Variants in SLC35H1 observed in about 807,000 individuals in gnomAD.
The protein encoded by SLC35H1 is ovarian cancer-overexpressed gene 1 protein.
the SLC35H1 span, chr20:46,355,203 C>G: frequency 1.2e-6 from 2 of 1,613,946 alleles, no homozygotes; most frequent in Middle Eastern, 1.6e-4. This position sits in a 1 kb window ranked among gnomAD's most constrained non-coding sequence, Gnocchi z 4.8. Context: ...TGAAGAGACC[C>G]CCGGCGATGA....
At chr20:46,354,951 T>C in the SLC35H1 span, 2 of 1,613,886 alleles carry the variant, frequency 1.2e-6, no homozygotes, top group Non-Finnish European at 8.5e-7. Context: ...ATGGTGTCGA[T>C]GGGATTCTGG....
At chr20:46,350,097 C>T in the SLC35H1 span, 5 of 249,916 alleles carry the variant, frequency 2.0e-5, no homozygotes, top group African/African-American at 2.2e-5. Flanking sequence ...AAATGAGTCT[C>T]GGCTGTCAGA....
the SLC35H1 span, chr20:46,355,807 C>A: frequency 6.2e-7 from 1 of 1,613,906 alleles, no homozygotes; most frequent in Admixed American, 1.7e-5. This position sits in a 1 kb window ranked among gnomAD's most constrained non-coding sequence, Gnocchi z 4.8. Context: ...CTCACCAGCT[C>A]CTCCAGCTTG....
chr20:46,352,344 T>C, the SLC35H1 span: 1 of 862,706 alleles, frequency 1.2e-6, no homozygotes, highest in Non-Finnish European at 1.8e-6. Context: ...ACCTGCTAAC[T>C]GTCTGCAGCC....
the SLC35H1 span, chr20:46,356,668 T>A: frequency 6.2e-6 from 10 of 1,607,592 alleles, no homozygotes; most frequent in African/African-American, 9.4e-5. Flanking sequence ...ACAGGACAGC[T>A]TGGGAGGTCC....
At chr20:46,354,385 T>TGATTACTCCAGCAA in the SLC35H1 span, among the ~76,000 whole-genome samples, 109 of 152,314 alleles carry the variant, frequency 7.2e-4, 2 homozygotes, top group African/African-American at 2.5e-3. Context: ...CTGACTTGCC[T>TGATTACTCCAGCAA]GATTACTCCA....
At chr20:46,354,325 A>G in the SLC35H1 span, among the ~76,000 whole-genome samples, 1 of 152,102 alleles carries the variant, frequency 6.6e-6, no homozygotes, top group Admixed American at 6.5e-5. Flanking sequence ...TGCTCCCTGC[A>G]GCCTGCCAAA....
At chr20:46,352,152 G>C in the SLC35H1 span, 4 of 1,614,238 alleles carry the variant, frequency 2.5e-6, no homozygotes, top group Non-Finnish European at 3.4e-6. Flanking sequence ...CCAAGGAAGA[G>C]GCTCCCAAGT....
chr20:46,357,758 G>C, the SLC35H1 span: 1 of 1,614,088 alleles, frequency 6.2e-7, no homozygotes, highest in Non-Finnish European at 8.5e-7. Context: ...GTCATGAAGA[G>C]GGGGAAATGG....
At chr20:46,346,590 G>A in the SLC35H1 span, 1 of 152,138 alleles carries the variant, frequency 6.6e-6, no homozygotes, top group Non-Finnish European at 1.5e-5. Context: ...AGACCGGCCT[G>A]GCCAACATGT....
chr20:46,358,033 G>A, the SLC35H1 span, among the ~76,000 whole-genome samples: 1 of 152,210 alleles, frequency 6.6e-6, no homozygotes, highest in African/African-American at 2.4e-5. Flanking sequence ...TGAGCTACCT[G>A]CCCAGCCTTC....
At chr20:46,350,843 G>A in the SLC35H1 span, 2 of 1,613,930 alleles carry the variant, frequency 1.2e-6, no homozygotes, top group African/African-American at 2.7e-5. Flanking sequence ...TCAGGAGGCT[G>A]ATCTGATCGC....
the SLC35H1 span, among the ~76,000 whole-genome samples, chr20:46,351,306 C>CA: frequency 6.6e-6 from 1 of 152,240 alleles, no homozygotes; most frequent in Non-Finnish European, 1.5e-5. Flanking sequence ...TCTCTATAAA[C>CA]AGAGACTCCA....
At chr20:46,358,988 C>A in the SLC35H1 span, 1 of 563,818 alleles carries the variant, frequency 1.8e-6, no homozygotes. Flanking sequence ...TCATGTCAGG[C>A]CACTGCTTAA....
chr20:46,359,728 T>C, the SLC35H1 span, among the ~76,000 whole-genome samples: 1 of 152,216 alleles, frequency 6.6e-6, no homozygotes, highest in Admixed American at 6.5e-5. Flanking sequence ...TCCAGTGTTA[T>C]GTGATGATAC....
the SLC35H1 span, chr20:46,350,878 A>C: frequency 2.5e-6 from 4 of 1,613,932 alleles, no homozygotes; most frequent in Non-Finnish European, 3.4e-6. Context: ...GCCAACAGCA[A>C]AGTGCAGACT....
chr20:46,351,565 G>A, the SLC35H1 span, among the ~76,000 whole-genome samples: 1 of 152,220 alleles, frequency 6.6e-6, no homozygotes. Context: ...CGAGGCAGAG[G>A]TACAGCAAGG....
the SLC35H1 span, chr20:46,358,716 C>A: frequency 1.4e-4 from 213 of 1,550,654 alleles, 1 homozygote; most frequent in Middle Eastern, 3.8e-3. Context: ...CTGGTGCTGA[C>A]CCTTCCCATG....
the SLC35H1 span, chr20:46,357,852 C>T: frequency 6.5e-7 from 1 of 1,540,234 alleles, no homozygotes; most frequent in South Asian, 1.2e-5. Context: ...CTCTTCGCCC[C>T]TCTGCTGGAG....
Sources: gnomAD v4.1 joint callset for allele counts (sites outside exome capture counted in the v4.1 genomes callset) on GRCh38, gnomAD v4.1.1 for gene constraint, Gnocchi (gnomAD v3.1) non-coding constraint, MANE v1.5 for transcripts, NCBI Gene and HGNC (gene_info 2026-07-23, HGNC 2026-07-21) for gene names.